ZFPM1: variants seen among roughly 807,000 people sequenced by gnomAD.
ZFPM1 encodes zinc finger protein, FOG family member 1.
ZFPM1 carries 28 observed loss-of-function variants against 46.3 expected under a neutral mutation model. The observed-to-expected ratio is 0.60, with a 90% CI of 0.45 to 0.83. The LOEUF (loss-of-function observed/expected upper bound fraction) is 0.83, where lower values mean the gene tolerates loss of function less well. ZFPM1 is among the 40% of genes least tolerant of loss of function. The pLI is 0.00. For synonymous variants in ZFPM1, 957 were observed against 675.9 expected, an observed-to-expected ratio of 1.42 and a Z score of -6.45; for missense variants, 1,878 against 1,432.4, an observed-to-expected ratio of 1.31 and a Z score of -5.02.
intron 4 of ZFPM1, among the ~76,000 whole-genome samples, chr16:88,518,644 G>GC: frequency 6.6e-6 from 1 of 150,426 alleles, no homozygotes; most frequent in Non-Finnish European, 1.5e-5. Flanking sequence ...CAGGTGGATG[G>GC]ATGGATAGAT....
rs78271219 is a variant in ZFPM1 at position 88,515,272 on chromosome 16, G to A, written c.402+752G>A. ...TTCACACAGCCTTTTGCAGCTGAGC[G>A]GGCAGACGCATGTCCCAGGCCGCTC... On this transcript the variant is annotated intron_variant, in intron 4 of 9. Transcript: ENST00000319555. Among the ~76,000 whole-genome samples, 49 of 152,346 alleles carry A rather than the reference G, an allele frequency of 3.2e-4. No homozygotes were observed. In the East Asian group the frequency reaches 9.1e-3, roughly 28 times the overall value.
At position 88,528,348 on chromosome 16, in the gene ZFPM1, G is replaced by A. The variant is rs929460955; in HGVS notation, c.712+110G>A. On this transcript the variant is annotated intron_variant, in intron 6 of 9. Coordinates refer to ENST00000319555, the MANE Select transcript of ZFPM1 (RefSeq NM_153813.3). ...GGAAGCTCGGGGGCTGCAGGCTGCCGACAGAGTGAGAGGTAAGGCAGGGAA... is the reference window on the plus strand; with the variant it reads ...GGAAGCTCGGGGGCTGCAGGCTGCCAACAGAGTGAGAGGTAAGGCAGGGAA... The A allele has an allele frequency of 3.5e-5, 43 of 1,226,886 alleles. No individual in the cohort carries two copies. The East Asian group carries it at 4.4e-4, about 13-fold the overall frequency. 76.0% of individuals were successfully genotyped at this position (1,226,886 alleles called of 1,614,324 possible).
At chr16:88,493,103 G>GA (rs1909687034) in intron 3 of ZFPM1, among the ~76,000 whole-genome samples, 1 of 79,996 alleles carries the variant, frequency 1.3e-5, no homozygotes, top group Non-Finnish European at 2.7e-5. Flanking sequence ...CGGGGTGCGG[G>GA]GAGCTGTCCC....
rs540825854 is a variant in ZFPM1 at position 88,470,280 on chromosome 16, G to C, written c.41-15659G>C. ...TCCTGGGGACAGGGCTGCTGGACGG[G>C]TTGGGGCGGGCAGCCTCTGGATGCC... is the stretch of plus-strand genomic sequence containing the variant. On this transcript the variant is annotated intron_variant, in intron 1 of 9. Transcript: ENST00000319555. 1.1e-4 allele frequency among the ~76,000 whole-genome samples: 17 copies of C among 152,312 alleles called. No homozygotes were observed. In the South Asian group the frequency reaches 3.5e-3, roughly 32 times the overall value.
rs117957918 is a variant in ZFPM1, at chr16:88,526,273, C to T, written c.403-541C>T. ...ATGCTGTCAGGAGGACACTGAGGCCCGAGGGTTGCTAGGGAAGTGCCGTAT... is the reference window on the plus strand; with the variant it reads ...ATGCTGTCAGGAGGACACTGAGGCCTGAGGGTTGCTAGGGAAGTGCCGTAT... On this transcript the variant is annotated intron_variant, in intron 4 of 9. Transcript: ENST00000319555. Among the ~76,000 whole-genome samples, 138 of 152,266 alleles carry T rather than the reference C, an allele frequency of 9.1e-4. 2 individuals carry two copies. The East Asian group carries it at 0.019, about 21-fold the overall frequency.
rs1908325577 is a variant in ZFPM1, at chr16:88,469,726, A to G, written c.40+16048A>G. ...CAGCCACAGGTGTGGGTGTTTGTCA[A>G]AAATGTGTAAGTGGAAAATAGTGGC... On this transcript the variant is annotated intron_variant, in intron 1 of 9. Coordinates refer to ENST00000319555, the MANE Select transcript of ZFPM1 (RefSeq NM_153813.3). This position sits in a 1 kb window ranked among gnomAD's most constrained non-coding sequence, Gnocchi z 4.3. Among the ~76,000 whole-genome samples the G allele has an allele frequency of 6.6e-6, 1 of 152,160 alleles. No individual in the cohort carries two copies. The highest frequency in any genetic ancestry group is 2.4e-5 in the African/African-American group (1 of 41,444).
intron 4 of ZFPM1, among the ~76,000 whole-genome samples, chr16:88,515,484 G>A (rs770254235): frequency 2.0e-5 from 3 of 152,360 alleles, no homozygotes; most frequent in Non-Finnish European, 2.9e-5. Flanking sequence ...TTCCTTTTAC[G>A]TCTGAGCCTG....
Position 88,532,877 on chromosome 16 carries a change from C to T in ZFPM1, c.1131C>T (p.Gly377=), listed in dbSNP as rs780441550. Residue 377 remains glycine, a synonymous_variant, in exon 9 of 10, where the codon GGC becomes GGT. Coordinates refer to ENST00000319555, the MANE Select transcript of ZFPM1 (RefSeq NM_153813.3). Reference sequence around the variant, plus strand: ...CCAACCACATGGTCTGCCAGCCTGGCTCCAAGGGTGAGATCTACTCGCCAG... The same window carrying T: ...CCAACCACATGGTCTGCCAGCCTGGTTCCAAGGGTGAGATCTACTCGCCAG... ...LVTNHMVCQP[G]SKGEIYSPGA... is the part of the protein sequence containing the mutation. The T allele has an allele frequency of 6.2e-7, 1 of 1,613,384 alleles. No individual in the cohort carries two copies. The highest frequency in any genetic ancestry group is 2.2e-5 in the East Asian group (1 of 44,864).
intron 3 of ZFPM1, among the ~76,000 whole-genome samples, chr16:88,496,827 G>A (rs1252920436): frequency 2.6e-5 from 4 of 152,190 alleles, no homozygotes; most frequent in Non-Finnish European, 4.4e-5. Flanking sequence ...GGTCTCTCAC[G>A]TCTGGCAGCC....
At chr16:88,452,212 GC>G (rs140961685), upstream of ZFPM1, among the ~76,000 whole-genome samples, 2 of 152,174 alleles carry the variant, frequency 1.3e-5, no homozygotes, top group African/African-American at 4.8e-5. Context: ...GTGGGGGACA[GC>G]CCCCCAATGC....
Position 88,533,410 on chromosome 16 carries a change from G to C in ZFPM1, c.1452G>C (p.Gln484His). The C allele has an allele frequency of 6.7e-7, 1 of 1,497,312 alleles. No homozygotes were observed. Among genetic ancestry groups the C allele is most frequent in the Non-Finnish European group, 8.8e-7 (1 of 1,132,386 alleles). The allele number at this position is 1,497,312 out of a possible 1,614,324, so 92.8% of individuals were successfully genotyped here. A position where few individuals can be genotyped will look rare whatever the true frequency, so the allele number is the denominator to read the frequency against. The change falls in exon 10 of 10, where the codon CAG becomes CAC. Residue 484 changes from glutamine (Q) to histidine (H), a missense_variant. Transcript: ENST00000319555. ...TGGGCCCCGGAGAGCCTGGGCCCCAGGCCCCGTCGCGGACGCCGTCGCCGC... is the reference window on the plus strand; with the variant it reads ...TGGGCCCCGGAGAGCCTGGGCCCCACGCCCCGTCGCGGACGCCGTCGCCGC... ...PILGPGEPGP[Q>H]APSRTPSPRS... is the part of the protein sequence containing the mutation.
At chr16:88,485,858 G>A (rs1909191196) in intron 1 of ZFPM1, 81 bp from the exon 2 acceptor site, 1 of 1,375,230 alleles carries the variant, frequency 7.3e-7, no homozygotes, top group East Asian at 2.4e-5. Context: ...CACCGGGGCT[G>A]TACCTATGCC....
intron 1 of ZFPM1, among the ~76,000 whole-genome samples, chr16:88,484,810 C>A (rs1388668582): frequency 1.3e-5 from 2 of 152,232 alleles, no homozygotes; most frequent in Non-Finnish European, 2.9e-5. Flanking sequence ...CACACCTGCA[C>A]TCAGCGCCAC....
chr16:88,501,116 A>C (rs1910242209), intron 3 of ZFPM1, among the ~76,000 whole-genome samples: 1 of 142,658 alleles, frequency 7.0e-6, no homozygotes, highest in African/African-American at 2.9e-5. Flanking sequence ...TGATGGAGAT[A>C]GCAGACATGG....
chr16:88,524,577 C>T (rs1334915937), intron 4 of ZFPM1, among the ~76,000 whole-genome samples: 1 of 152,254 alleles, frequency 6.6e-6, no homozygotes, highest in Non-Finnish European at 1.5e-5. Flanking sequence ...GCACCCCATG[C>T]CCACTTTGTC....
intron 1 of ZFPM1, among the ~76,000 whole-genome samples, chr16:88,472,511 G>A (rs1202795911): frequency 1.3e-5 from 2 of 151,850 alleles, no homozygotes; most frequent in Non-Finnish European, 2.9e-5. Context: ...CTGCCACCAC[G>A]CCCAGCTAAT....
intron 3 of ZFPM1, among the ~76,000 whole-genome samples, chr16:88,492,294 C>T (rs539505135): frequency 2.0e-5 from 3 of 152,176 alleles, no homozygotes; most frequent in Non-Finnish European, 4.4e-5. Context: ...TGCTCCCCAC[C>T]CCACCCAATC....
chr16:88,489,170 T>C lies in ZFPM1; in HGVS notation c.268+17T>C. The C allele has an allele frequency of 2.5e-6, 4 of 1,584,000 alleles. No individual in the cohort carries two copies. The highest frequency in any genetic ancestry group is 1.1e-5 in the South Asian group (1 of 88,242). On this transcript the variant is annotated intron_variant, in intron 3 of 9. Transcript: ENST00000319555. ...GCGGGCCAGGTAACCACGCGGGTGGTGGGGGCAGCAGCATCGCCTCCCGGG... is the reference window on the plus strand; with the variant it reads ...GCGGGCCAGGTAACCACGCGGGTGGCGGGGGCAGCAGCATCGCCTCCCGGG...
intron 1 of ZFPM1, among the ~76,000 whole-genome samples, chr16:88,460,163 C>T (rs1907752583): frequency 6.6e-6 from 1 of 152,124 alleles, no homozygotes; most frequent in Non-Finnish European, 1.5e-5. Context: ...TGTGCCTGTC[C>T]ACCTCCCCAC....
Sources: gnomAD v4.1 joint callset for allele counts (sites outside exome capture counted in the v4.1 genomes callset) on GRCh38, gnomAD v4.1.1 for gene constraint, Gnocchi (gnomAD v3.1) non-coding constraint, MANE v1.5 for transcripts, NCBI Gene and HGNC (gene_info 2026-07-23, HGNC 2026-07-21) for gene names.